TNRC6B: variants seen among roughly 807,000 people sequenced by gnomAD.
TNRC6B encodes the protein trinucleotide repeat containing adaptor 6B.
TNRC6B carries 52 observed loss-of-function variants against 203.6 expected under a neutral mutation model. The ratio of observed to expected loss-of-function variants is 0.26; its 90% CI spans 0.20 to 0.32. The LOEUF is 0.32. Among genes scored for constraint, TNRC6B ranks in the 10% least tolerant of loss-of-function variants. TNRC6B has a pLI of 1.00. For missense variants in TNRC6B, 1,923 were observed against 2,286.2 expected (o/e 0.84, Z 3.24); for synonymous variants, 838 against 845.7 (o/e 0.99, Z 0.16).
rs979663140 is a variant in TNRC6B at position 40,195,926 on chromosome 22, C to T, written c.5+17786C>T. 2.6e-5 allele frequency among the ~76,000 whole-genome samples: 4 copies of T among 152,124 alleles called. No individual in the cohort carries two copies. The East Asian group carries it at 5.8e-4, about 22-fold the overall frequency. On this transcript the variant is annotated intron_variant, in intron 1 of 22. Coordinates refer to ENST00000454349, the MANE Select transcript of TNRC6B (RefSeq NM_001162501.2). Reference sequence around the variant, plus strand: ...CTGGGACTACAGGCGCCCGCCACCACGCCCAGCTAATTTTTTTTGTTTGTT... The same window carrying T: ...CTGGGACTACAGGCGCCCGCCACCATGCCCAGCTAATTTTTTTTGTTTGTT...
chr22:40,244,453 A>G (rs972973453), intron 1 of TNRC6B, among the ~76,000 whole-genome samples: 3 of 152,078 alleles, frequency 2.0e-5, no homozygotes, highest in African/African-American at 7.2e-5. Context: ...TAGGTAAAAA[A>G]GTTTTTTAAG....
At chr22:40,208,686 G>C in intron 1 of TNRC6B, among the ~76,000 whole-genome samples, 1 of 152,176 alleles carries the variant, frequency 6.6e-6, no homozygotes, top group Admixed American at 6.5e-5. Context: ...TCCTTAAGCT[G>C]AGTGGAGGGT....
chr22:40,236,408 GGT>G (rs2069948344), intron 1 of TNRC6B, among the ~76,000 whole-genome samples: 1 of 152,086 alleles, frequency 6.6e-6, no homozygotes, highest in East Asian at 1.9e-4. Context: ...CATCCAAGTT[GGT>G]GTATTATTAA....
chr22:40,076,076 C>T (rs61285412), intron 1 of TNRC6B, among the ~76,000 whole-genome samples: 6,706 of 152,214 alleles, frequency 0.044, 447 homozygotes, highest in African/African-American at 0.14. Context: ...AGTTCCCATC[C>T]GTATTATTTT....
At chr22:40,141,341 G>A (rs1248100231) in intron 3 of TNRC6B, among the ~76,000 whole-genome samples, 2 of 151,584 alleles carry the variant, frequency 1.3e-5, no homozygotes, top group African/African-American at 4.9e-5. Flanking sequence ...AAGTAGTTGG[G>A]ACTACAGGCA....
At chr22:40,178,175 G>A in intron 1 of TNRC6B, 35 bp downstream of exon 1, 1 of 1,610,564 alleles carries the variant, frequency 6.2e-7, no homozygotes, top group Non-Finnish European at 8.5e-7. Flanking sequence ...TTAACCAATT[G>A]ATTTATATGG....
exon 3 of TNRC6B, chr22:40,125,780 T>A: frequency 6.3e-7 from 1 of 1,596,492 alleles, no homozygotes; most frequent in Non-Finnish European, 8.5e-7. Context: ...AGGCAGTATT[T>A]TTGTGTTTCT....
chr22:40,202,254 T>TGTTTTG (rs2069422689), intron 1 of TNRC6B, among the ~76,000 whole-genome samples: 1 of 147,194 alleles, frequency 6.8e-6, no homozygotes, highest in African/African-American at 2.5e-5. Flanking sequence ...TTGTTGTTGT[T>TGTTTTG]TTTTTGTTTT....
Position 40,266,234 on chromosome 22 carries a change from T to G in TNRC6B, c.2004T>G (p.Asp668Glu). ...CCAAGAACTCAGGGGGCTGGGGAGA[T>G]GCACCCAGCCAAAGCAATCAAATGA... ...TQTKNSGGWG[D>E]APSQSNQMKS... Residue 668 changes from aspartate (D) to glutamate (E), a missense_variant, in exon 5 of 23, where the codon GAT becomes GAG. Transcript: ENST00000454349. The G allele has an allele frequency of 6.2e-7, 1 of 1,603,950 alleles. No homozygotes were observed. Among genetic ancestry groups the G allele is most frequent in the African/African-American group, 1.3e-5 (1 of 74,728 alleles).
rs557013090 is a variant in TNRC6B at position 40,227,277 on chromosome 22, G to A, written c.6-18738G>A. On this transcript the variant is annotated intron_variant, in intron 1 of 22. Transcript: ENST00000454349. ...CAGGTTTTGCCATGTTGCCCAGGCTGGGTGCAAACAATCTGCCCACCTCAG... is the reference window on the plus strand; with the variant it reads ...CAGGTTTTGCCATGTTGCCCAGGCTAGGTGCAAACAATCTGCCCACCTCAG... Among the ~76,000 whole-genome samples the A allele has an allele frequency of 1.4e-3, 215 of 150,642 alleles. 1 individual carries two copies. The highest frequency in any genetic ancestry group is 5.0e-3 in the African/African-American group (205 of 41,052).
intron 2 of TNRC6B, among the ~76,000 whole-genome samples, chr22:40,250,264 A>G (rs1212623667): frequency 1.3e-5 from 2 of 152,180 alleles, no homozygotes; most frequent in Admixed American, 6.5e-5. Context: ...TTGCTTGTGC[A>G]TCACCTTTGT....
At chr22:40,134,618 G>T (rs768422372) in intron 3 of TNRC6B, among the ~76,000 whole-genome samples, 1 of 152,176 alleles carries the variant, frequency 6.6e-6, no homozygotes, top group Admixed American at 6.6e-5. Flanking sequence ...TAATGTAGGT[G>T]ATGGGTTGAT....
intron 1 of TNRC6B, among the ~76,000 whole-genome samples, chr22:40,186,141 T>G (rs1187859803): frequency 1.3e-5 from 2 of 151,760 alleles, no homozygotes; most frequent in East Asian, 3.9e-4. Flanking sequence ...AAAAAAGAAC[T>G]GAGAATGAGA....
At chr22:40,226,449 G>T (rs1235337524) in intron 1 of TNRC6B, among the ~76,000 whole-genome samples, 2 of 152,084 alleles carry the variant, frequency 1.3e-5, no homozygotes, top group Non-Finnish European at 2.9e-5. Context: ...CCCACCTGCC[G>T]TCAGATCACT....
At chr22:40,094,073 A>G (rs1327049621) in intron 1 of TNRC6B, among the ~76,000 whole-genome samples, 1 of 152,220 alleles carries the variant, frequency 6.6e-6, no homozygotes, top group Non-Finnish European at 1.5e-5. Context: ...ACGTAAATGT[A>G]TACAACTATT....
chr22:40,218,831 GGGGATA>G (rs754652901), intron 1 of TNRC6B, among the ~76,000 whole-genome samples: 22 of 152,340 alleles, frequency 1.4e-4, no homozygotes, highest in Admixed American at 3.3e-4. Context: ...TAGAGGAGAT[GGGGATA>G]AAAGTTGAGG....
intron 1 of TNRC6B, among the ~76,000 whole-genome samples, chr22:40,084,448 A>T (rs1011747137): frequency 6.6e-6 from 1 of 152,182 alleles, no homozygotes; most frequent in African/African-American, 2.4e-5. Context: ...TGAAGGTTAA[A>T]GGTATGTTAA....
At chr22:40,282,406 C>T (rs929149870) in intron 11 of TNRC6B, among the ~76,000 whole-genome samples, 1 of 152,168 alleles carries the variant, frequency 6.6e-6, no homozygotes, top group African/African-American at 2.4e-5. Flanking sequence ...TATATTTCAT[C>T]ATTTTCCTTA....
At position 40,156,230 on chromosome 22, in the gene TNRC6B, A is replaced by T. The variant is rs138084134; in HGVS notation, c.113+48A>T. 3,054 of 1,534,484 alleles carry T rather than the reference A, an allele frequency of 2.0e-3. 4 individuals carry two copies. The highest frequency in any genetic ancestry group is 2.1e-3 in the Non-Finnish European group (2,372 of 1,131,588). On this transcript the variant is annotated intron_variant, in intron 4 of 23. Coordinates refer to the TNRC6B transcript ENST00000301923. ...AGAGTCCTATTACAGATCCTCGGAA[A>T]CACTTTGGTTCAACATGCTGATAAG...
Sources: gnomAD v4.1 joint callset for allele counts (sites outside exome capture counted in the v4.1 genomes callset) on GRCh38, gnomAD v4.1.1 for gene constraint, MANE v1.5 for transcripts, NCBI Gene and HGNC (gene_info 2026-07-23, HGNC 2026-07-21) for gene names.